POTEJ: variants seen among roughly 807,000 people sequenced by gnomAD.
The protein encoded by POTEJ is POTE ankyrin domain family, member J.
In POTEJ, 11 loss-of-function variants were observed where a neutral mutation model predicts 69.0. The ratio of observed to expected loss-of-function variants is 0.16; its 90% confidence interval spans 0.10 to 0.26. The LOEUF (loss-of-function observed/expected upper bound fraction) is 0.26. POTEJ is among the 10% of genes least tolerant of loss of function. The pLI is 1.00. For synonymous variants in POTEJ, 117 were observed against 381.1 expected (o/e 0.31, Z 8.07); for missense variants, 327 against 1,045.5 (o/e 0.31, Z 9.48).
At chr2:130,630,683 A>T (rs1685864199) in intron 7 of POTEJ, among the ~76,000 whole-genome samples, 1 of 143,432 alleles carries the variant, frequency 7.0e-6, no homozygotes, top group Non-Finnish European at 1.5e-5. Context: ...GCAGAATGGA[A>T]CCTTTGGTGT....
intron 9 of POTEJ, among the ~76,000 whole-genome samples, chr2:130,637,641 C>T (rs200484192): frequency 3.3e-5 from 5 of 152,236 alleles, no homozygotes; most frequent in Admixed American, 6.5e-5. Context: ...GACACCAGAG[C>T]CAAATAACGT....
At chr2:130,637,990 T>A (rs1686173136) in intron 9 of POTEJ, among the ~76,000 whole-genome samples, 1 of 147,826 alleles carries the variant, frequency 6.8e-6, no homozygotes, top group South Asian at 2.1e-4. Context: ...ATGACATAGT[T>A]GAGATGCCCT....
In POTEJ at chr2:130,657,455, C is replaced by G. The variant is rs1193997837; in HGVS notation, c.2695C>G (p.Leu899Val). The change falls in exon 15 of 15, where the codon CTA becomes GTA. Residue 899 changes from leucine to valine, a missense_variant. Coordinates refer to ENST00000409602, the MANE Select transcript of POTEJ (RefSeq NM_001277083.2). ...GGCCATGGTGGCCTCCAGCTCCTCC[C>G]TAGAGAAGAGCTACGAGCTGCCCGA... ...EMAMVASSSSLEKSYELPDGQ... is the reference protein window; with the variant it reads ...EMAMVASSSSVEKSYELPDGQ... The G allele has an allele frequency of 7.5e-6, 12 of 1,591,600 alleles. 1 individual carries two copies. Among genetic ancestry groups the G allele is most frequent in the African/African-American group, 1.4e-5 (1 of 69,764 alleles).
At chr2:130,624,611 C>T (rs1206966625) in intron 6 of POTEJ, among the ~76,000 whole-genome samples, 3 of 152,048 alleles carry the variant, frequency 2.0e-5, no homozygotes, top group African/African-American at 7.3e-5. Context: ...TTGCCTGCTG[C>T]TCACCTCCTC....
Position 130,631,815 on chromosome 2 carries a change from G to T in POTEJ, c.1131+362G>T, listed in dbSNP as rs1361591625. Among the ~76,000 whole-genome samples the T allele has an allele frequency of 4.2e-5, 6 of 142,838 alleles. 2 individuals carry two copies. Among genetic ancestry groups the T allele is most frequent in the Non-Finnish European group, 9.1e-5 (6 of 65,800 alleles). 93.7% of individuals were successfully genotyped at this position (142,838 alleles called of 152,430 possible). ...CTGTGTATCTTCCAGCTAGATAATTGTATGGCTATTCAATGTGAAATTTGG... is the reference window on the plus strand; with the variant it reads ...CTGTGTATCTTCCAGCTAGATAATTTTATGGCTATTCAATGTGAAATTTGG... On this transcript the variant is annotated intron_variant, in intron 8 of 14. Transcript: ENST00000409602.
intron 13 of POTEJ, among the ~76,000 whole-genome samples, chr2:130,647,208 G>A (rs1434322812): frequency 2.6e-5 from 4 of 151,230 alleles, no homozygotes; most frequent in Non-Finnish European, 5.9e-5. Context: ...AAAGCGTTTA[G>A]TTTGATGACA....
At chr2:130,644,321 T>G (rs1686503918) in intron 11 of POTEJ, among the ~76,000 whole-genome samples, 2 of 147,646 alleles carry the variant, frequency 1.4e-5, no homozygotes, top group South Asian at 2.1e-4. Context: ...ATACAAAAAC[T>G]TAGCTGGGCG....
intron 7 of POTEJ, among the ~76,000 whole-genome samples, chr2:130,631,003 A>C (rs1393374351): frequency 6.9e-6 from 1 of 144,122 alleles, no homozygotes; most frequent in African/African-American, 2.8e-5. Context: ...TTAGGGTTTC[A>C]TGAGGTAAAC....
intron 10 of POTEJ, among the ~76,000 whole-genome samples, chr2:130,640,624 C>T (rs1343352013): frequency 1.4e-4 from 22 of 151,776 alleles, no homozygotes; most frequent in Admixed American, 1.1e-3. Flanking sequence ...AACACAACAT[C>T]GCAAGGGCTG....
intron 6 of POTEJ, among the ~76,000 whole-genome samples, chr2:130,626,205 A>G (rs1215174799): frequency 2.0e-5 from 3 of 149,088 alleles, no homozygotes; most frequent in Admixed American, 2.0e-4. Flanking sequence ...GAAGGTAAAT[A>G]CCTGATTAGC....
At chr2:130,613,564 C>G (rs1408270949) in intron 1 of POTEJ, among the ~76,000 whole-genome samples, 2 of 135,460 alleles carry the variant, frequency 1.5e-5, no homozygotes, top group African/African-American at 6.1e-5. Flanking sequence ...CCATGCCTGG[C>G]TAATTGTTTT....
intron 13 of POTEJ, among the ~76,000 whole-genome samples, chr2:130,650,217 G>C (rs1220718013): frequency 1.3e-5 from 2 of 152,272 alleles, no homozygotes; most frequent in African/African-American, 4.8e-5. Context: ...ATTTTTTAGA[G>C]TCTTTGATGT....
At chr2:130,652,229 T>C (rs1686834263) in intron 13 of POTEJ, among the ~76,000 whole-genome samples, 1 of 136,350 alleles carries the variant, frequency 7.3e-6, no homozygotes, top group Non-Finnish European at 1.6e-5. Context: ...CCTTCTACCA[T>C]GGTTGTTAAG....
intron 13 of POTEJ, among the ~76,000 whole-genome samples, chr2:130,651,950 T>C (rs1686821378): frequency 1.5e-5 from 2 of 129,098 alleles, no homozygotes; most frequent in South Asian, 4.8e-4. Flanking sequence ...AATAATGACA[T>C]TTAGATATTT....
chr2:130,644,502 T>C (rs2105248692), intron 11 of POTEJ, among the ~76,000 whole-genome samples: 1 of 152,384 alleles, frequency 6.6e-6, no homozygotes, highest in South Asian at 2.1e-4. Context: ...AATAGATTCT[T>C]AAAATTTATT....
rs1685210234 is a variant in POTEJ, at chr2:130,611,614, T to G, written c.82T>G (p.Cys28Gly). ...FVLRSKMGKWCRHCFPCCRGS... is the reference protein window; with the variant it reads ...FVLRSKMGKWGRHCFPCCRGS... ...TCTCAGGAGCAAGATGGGCAAGTGG[T>G]GCCGCCACTGCTTCCCCTGCTGCAG... The change falls in exon 1 of 15, where the codon TGC becomes GGC. Residue 28 changes from cysteine (C) to glycine (G), a missense_variant. Physicochemically the swap from Cys to Gly is radical, Grantham distance 159. Coordinates refer to ENST00000409602, the MANE Select transcript of POTEJ (RefSeq NM_001277083.2). 9.8e-7 allele frequency: 1 copy of G among 1,017,978 alleles called. No homozygotes were observed. Among genetic ancestry groups the G allele is most frequent in the African/African-American group, 2.8e-5 (1 of 35,976 alleles). The allele number at this position is 1,017,978 out of a possible 1,614,324, so 63.1% of individuals were successfully genotyped here.
intron 5 of POTEJ, among the ~76,000 whole-genome samples, chr2:130,623,109 G>A (rs1166029076): frequency 8.9e-5 from 12 of 135,002 alleles, no homozygotes; most frequent in Admixed American, 2.9e-4. Context: ...TAACATGTTC[G>A]GTGCAAAATA....
chr2:130,612,818 A>C (rs1362586011), intron 1 of POTEJ, among the ~76,000 whole-genome samples: 1 of 147,972 alleles, frequency 6.8e-6, no homozygotes, highest in African/African-American at 2.5e-5. Flanking sequence ...ACTTTTACAT[A>C]AGCCAAATAA....
In POTEJ at chr2:130,614,167, GAAA is replaced by G. The variant is rs71273213; in HGVS notation, c.410+2239_410+2241del. Among the ~76,000 whole-genome samples the G allele has an allele frequency of 5.8e-3, 301 of 51,702 alleles. 1 individual carries two copies. The highest frequency in any genetic ancestry group is 0.013 in the Middle Eastern group (1 of 80). 33.9% of individuals were successfully genotyped at this position (51,702 alleles called of 152,430 possible). On this transcript the variant is annotated intron_variant, in intron 1 of 14. Coordinates refer to ENST00000409602, the MANE Select transcript of POTEJ (RefSeq NM_001277083.2). ...GTGAGACTCCATCTCAAAAAAAAAA[GAAA>G]AAAAAAAAAAAAAGGAATGAAATAC...
Sources: allele counts gnomAD v4.1 joint callset (sites outside exome capture counted in the v4.1 genomes callset), GRCh38; gene constraint gnomAD v4.1.1; transcripts MANE v1.5; gene names NCBI Gene and HGNC (gene_info 2026-07-23, HGNC 2026-07-21).